Variants in UBE2E1 observed in about 807,000 individuals in gnomAD.
UBE2E1 encodes ubiquitin-conjugating enzyme E2 E1.
Under a neutral mutation model 21.4 loss-of-function variants are expected in UBE2E1, and 6 were observed. The ratio of observed to expected loss-of-function variants is 0.28; its 90% confidence interval spans 0.15 to 0.55. UBE2E1 has a LOEUF of 0.55. Ranked by LOEUF, UBE2E1 falls within the 20% of genes least tolerant of loss-of-function variation. The pLI is 0.93. For synonymous variants in UBE2E1, 87 were observed against 82.7 expected (o/e 1.05, Z -0.28); for missense variants, 142 against 236.5 (o/e 0.60, Z 2.62).
rs562754939 is a variant in UBE2E1, at chr3:23,882,291, T to A, written c.204-5276T>A. On this transcript the variant is annotated intron_variant, in intron 3 of 5. Coordinates refer to ENST00000306627, the MANE Select transcript of UBE2E1 (RefSeq NM_003341.5). The stretch of plus-strand genomic sequence containing the variant: ...TGCTGATTGGTGCGTTTACAATCTC[T>A]GAGCTAGACACAAAAGTTCTCCAAG... 2.6e-5 allele frequency among the ~76,000 whole-genome samples: 4 copies of A among 152,336 alleles called. No individual in the cohort carries two copies. The East Asian group carries it at 7.7e-4, about 29-fold the overall frequency.
chr3:23,821,677 A>G (rs1206016762), intron 3 of UBE2E1, among the ~76,000 whole-genome samples: 1 of 152,102 alleles, frequency 6.6e-6, no homozygotes, highest in African/African-American at 2.4e-5. Context: ...AATGACTCCA[A>G]GTTTCTGTGT....
At chr3:23,844,210 GTTTATTTTATTCTAT>G (rs1700149079) in intron 3 of UBE2E1, among the ~76,000 whole-genome samples, 1 of 151,990 alleles carries the variant, frequency 6.6e-6, no homozygotes, top group African/African-American at 2.4e-5. Flanking sequence ...TTTCCTGCTT[GTTTATTTTATTCTAT>G]TTTATCCTCA....
At chr3:23,845,561 TTCTCTCTCTCTCTC>T (rs144798695) in intron 3 of UBE2E1, among the ~76,000 whole-genome samples, 2,207 of 137,002 alleles carry the variant, frequency 0.016, 74 homozygotes, top group African/African-American at 0.057. Flanking sequence ...CTGTTTTGGT[TTCTCTCTCTCTCTC>T]TCTCTCTCTC....
chr3:23,828,016 T>A (rs1699792926), intron 3 of UBE2E1, among the ~76,000 whole-genome samples: 1 of 152,180 alleles, frequency 6.6e-6, no homozygotes, highest in East Asian at 1.9e-4. Flanking sequence ...AATGATTCAC[T>A]CCACACAGCT....
intron 3 of UBE2E1, among the ~76,000 whole-genome samples, chr3:23,856,870 G>T (rs61172702): frequency 0.012 from 1,897 of 152,108 alleles, 46 homozygotes; most frequent in African/African-American, 0.044. Flanking sequence ...GAGTGCAGCC[G>T]ATCACCTCAA....
At chr3:23,829,959 CAT>C (rs958827160) in intron 3 of UBE2E1, among the ~76,000 whole-genome samples, 3 of 152,074 alleles carry the variant, frequency 2.0e-5, no homozygotes, top group Non-Finnish European at 4.4e-5. Context: ...GGGTATGCCA[CAT>C]GTTTCCCTTC....
At chr3:23,886,325 G>A (rs1472156701) in intron 3 of UBE2E1, among the ~76,000 whole-genome samples, 1 of 152,212 alleles carries the variant, frequency 6.6e-6, no homozygotes, top group African/African-American at 2.4e-5. Context: ...TGGGTGTGTT[G>A]CTCTACAGTT....
At chr3:23,833,242 T>A (rs942723787) in intron 3 of UBE2E1, among the ~76,000 whole-genome samples, 4 of 152,190 alleles carry the variant, frequency 2.6e-5, no homozygotes, top group African/African-American at 9.7e-5. Context: ...TTTTAAAATA[T>A]GAGTTTTGTG....
chr3:23,832,952 T>C (rs1289185983), intron 3 of UBE2E1, among the ~76,000 whole-genome samples: 1 of 152,166 alleles, frequency 6.6e-6, no homozygotes, highest in Non-Finnish European at 1.5e-5. Context: ...GAAGATTGCT[T>C]GAGCCCAGGA....
chr3:23,845,579 C>CTGTGTG (rs1447535869), intron 3 of UBE2E1, among the ~76,000 whole-genome samples: 5 of 51,638 alleles, frequency 9.7e-5, no homozygotes, highest in Admixed American at 7.5e-4. Flanking sequence ...CTCTCTCTCT[C>CTGTGTG]TCTCTCTCTC....
At chr3:23,847,312 T>C (rs1700228414) in intron 3 of UBE2E1, among the ~76,000 whole-genome samples, 1 of 152,068 alleles carries the variant, frequency 6.6e-6, no homozygotes, top group African/African-American at 2.4e-5. Context: ...ATTAATGTCA[T>C]GACATCAGTA....
In UBE2E1 at chr3:23,863,593, C is replaced by T. The variant is rs531345138; in HGVS notation, c.204-23974C>T. On this transcript the variant is annotated intron_variant, in intron 3 of 5. Transcript: ENST00000306627. The surrounding 1 kb of genome is among the most constrained non-coding windows in gnomAD (Gnocchi z 4.3). ...TTGCGCAGGCTGGAGTGCAGTGGCG[C>T]GATCTCAACTCACCGCAACCTCCGC... 3.3e-5 allele frequency among the ~76,000 whole-genome samples: 5 copies of T among 152,274 alleles called. No individual in the cohort carries two copies. The highest frequency in any genetic ancestry group is 9.6e-5 in the African/African-American group (4 of 41,540).
chr3:23,852,569 C>G (rs897781628), intron 3 of UBE2E1, among the ~76,000 whole-genome samples: 5 of 152,140 alleles, frequency 3.3e-5, no homozygotes, highest in Non-Finnish European at 7.4e-5. Flanking sequence ...CGTGTTACTT[C>G]TTTTCCAATC....
In UBE2E1 at chr3:23,810,107, A is replaced by G. The variant is rs367675478; in HGVS notation, c.153-1353A>G. ...ACCCGCAGAAAACCTTTGGAAAGGAAAACGTATCCTTTGTGAATTAGATTG... is the reference window on the plus strand; with the variant it reads ...ACCCGCAGAAAACCTTTGGAAAGGAGAACGTATCCTTTGTGAATTAGATTG... On this transcript the variant is annotated intron_variant, in intron 2 of 5. Coordinates refer to ENST00000306627, the MANE Select transcript of UBE2E1 (RefSeq NM_003341.5). This position sits in a 1 kb window ranked among gnomAD's most constrained non-coding sequence, Gnocchi z 5.8. Among the ~76,000 whole-genome samples, 332 of 152,304 alleles carry G rather than the reference A, an allele frequency of 2.2e-3. 2 individuals are homozygous for G. The highest frequency in any genetic ancestry group is 7.5e-3 in the African/African-American group (312 of 41,556).
At chr3:23,882,925 C>G (rs971446843) in intron 3 of UBE2E1, among the ~76,000 whole-genome samples, 3 of 152,222 alleles carry the variant, frequency 2.0e-5, no homozygotes, top group Non-Finnish European at 2.9e-5. Flanking sequence ...TCCCTCCACA[C>G]CTCCCTGCAA....
chr3:23,844,673 A>T (rs928868435), intron 3 of UBE2E1, among the ~76,000 whole-genome samples: 2 of 152,208 alleles, frequency 1.3e-5, no homozygotes, highest in Non-Finnish European at 2.9e-5. Context: ...AGAGCATGAG[A>T]ATTCCTGTGT....
chr3:23,866,076 A>G lies in UBE2E1; in HGVS notation c.204-21491A>G, dbSNP rs1429044658. Among the ~76,000 whole-genome samples the G allele has an allele frequency of 3.9e-5, 6 of 152,326 alleles. No individual in the cohort carries two copies. In the East Asian group the frequency reaches 9.6e-4, roughly 24 times the overall value. On this transcript the variant is annotated intron_variant, in intron 3 of 5. Coordinates refer to ENST00000306627, the MANE Select transcript of UBE2E1 (RefSeq NM_003341.5). ...CTCCAAGCCCAGCCCTGTATTTGAC[A>G]TGCAGGGCATAACCTCACTCATTCA... is the stretch of plus-strand genomic sequence containing the variant.
At chr3:23,845,593 G>C (rs866832524) in intron 3 of UBE2E1, among the ~76,000 whole-genome samples, 69 of 145,304 alleles carry the variant, frequency 4.7e-4, no homozygotes, top group Admixed American at 1.0e-3. Flanking sequence ...CTCTCTCTGT[G>C]TGTGTGTGTG....
At chr3:23,811,190 C>T (rs1384235849) in intron 2 of UBE2E1, among the ~76,000 whole-genome samples, 2 of 152,208 alleles carry the variant, frequency 1.3e-5, no homozygotes, top group Non-Finnish European at 2.9e-5. Context: ...ACATGGAAAA[C>T]ACCGAGGAAT....
Sources: gnomAD v4.1 joint callset for allele counts (sites outside exome capture counted in the v4.1 genomes callset) on GRCh38, gnomAD v4.1.1 for gene constraint, Gnocchi (gnomAD v3.1) non-coding constraint, MANE v1.5 for transcripts, NCBI Gene and HGNC (gene_info 2026-07-23, HGNC 2026-07-21) for gene names.